Variants in NKAIN3 observed in about 807,000 individuals in gnomAD.
The protein encoded by NKAIN3 is sodium/potassium transporting ATPase interacting 3.
Under a neutral mutation model 30.2 loss-of-function variants are expected in NKAIN3, and 25 were observed. That is an observed-to-expected ratio of 0.83 (90% CI 0.60 to 1.16). The LOEUF (loss-of-function observed/expected upper bound fraction) is 1.16. Ranked by LOEUF, NKAIN3 falls within the 50% of genes most tolerant of loss-of-function variation. The pLI is 0.00. For synonymous variants in NKAIN3, 91 were observed against 89.6 expected, an observed-to-expected ratio of 1.02 and a Z score of -0.09; for missense variants, 225 against 254.1, an observed-to-expected ratio of 0.89 and a Z score of 0.78.
At chr8:62,778,607 T>C (rs977076811) in intron 4 of NKAIN3, among the ~76,000 whole-genome samples, 1 of 152,036 alleles carries the variant, frequency 6.6e-6, no homozygotes, top group Admixed American at 6.6e-5. Flanking sequence ...TTCAGGGAAG[T>C]GGGCTCTCCT....
chr8:62,869,399 C>A lies in NKAIN3; in HGVS notation c.472-49054C>A, dbSNP rs141578528. On this transcript the variant is annotated intron_variant, in intron 4 of 6. Transcript: ENST00000623646. Reference sequence around the variant, plus strand: ...GTCCATGTGTTCTCATTGTTCAACTCTCACTTATGAGTGAGAACATGCGGT... The same window carrying A: ...GTCCATGTGTTCTCATTGTTCAACTATCACTTATGAGTGAGAACATGCGGT... 6.9e-3 allele frequency among the ~76,000 whole-genome samples: 1,049 copies of A among 152,288 alleles called. 49 individuals carry two copies. The highest frequency in any genetic ancestry group is 0.065 in the Admixed American group (994 of 15,298).
At chr8:62,802,892 T>C (rs1818120909) in intron 4 of NKAIN3, among the ~76,000 whole-genome samples, 1 of 152,196 alleles carries the variant, frequency 6.6e-6, no homozygotes, top group Admixed American at 6.5e-5. Context: ...GAGACACACA[T>C]AGGCTCAAAA....
chr8:62,884,555 A>C (rs747647738), intron 4 of NKAIN3, among the ~76,000 whole-genome samples: 2 of 152,116 alleles, frequency 1.3e-5, no homozygotes, highest in African/African-American at 2.4e-5. Context: ...CTGCGTCAGC[A>C]CTAAAGAATT....
At chr8:62,571,853 T>C (rs1236411029) in intron 1 of NKAIN3, among the ~76,000 whole-genome samples, 1 of 152,052 alleles carries the variant, frequency 6.6e-6, no homozygotes, top group Non-Finnish European at 1.5e-5. Flanking sequence ...ACCAAATCCC[T>C]AGGCTGCACA....
intron 1 of NKAIN3, among the ~76,000 whole-genome samples, chr8:62,479,221 T>C (rs1190830965): frequency 1.3e-5 from 2 of 152,214 alleles, no homozygotes; most frequent in African/African-American, 2.4e-5. Flanking sequence ...ATAGATCAAT[T>C]GTGTTATTAT....
At chr8:62,270,341 C>T (rs1662465263) in intron 1 of NKAIN3, among the ~76,000 whole-genome samples, 1 of 152,102 alleles carries the variant, frequency 6.6e-6, no homozygotes, top group Non-Finnish European at 1.5e-5. Flanking sequence ...CTTGGCCTCT[C>T]AAAGTGCTGG....
intron 4 of NKAIN3, among the ~76,000 whole-genome samples, chr8:62,832,884 A>T (rs80203187): frequency 0.016 from 2,380 of 152,120 alleles, 73 homozygotes; most frequent in African/African-American, 0.054. Flanking sequence ...CAACCACAGA[A>T]TATACATTCT....
intron 1 of NKAIN3, among the ~76,000 whole-genome samples, chr8:62,570,539 T>C (rs919393342): frequency 2.6e-5 from 4 of 152,088 alleles, no homozygotes; most frequent in Admixed American, 6.6e-5. Flanking sequence ...AGAAGAGAGC[T>C]TGGGGAGGGA....
chr8:62,364,141 TTAA>T (rs1209853336), intron 1 of NKAIN3, among the ~76,000 whole-genome samples: 1 of 152,208 alleles, frequency 6.6e-6, no homozygotes, highest in Non-Finnish European at 1.5e-5. Context: ...GTTAGCCATA[TTAA>T]TGAGTGAATG....
intron 1 of NKAIN3, among the ~76,000 whole-genome samples, chr8:62,506,932 G>A (rs923613407): frequency 2.0e-5 from 3 of 152,018 alleles, no homozygotes; most frequent in Non-Finnish European, 2.9e-5. Context: ...ATTGATAATG[G>A]GTTAAAAGCA....
intron 5 of NKAIN3, among the ~76,000 whole-genome samples, chr8:62,998,467 G>T (rs887686747): frequency 1.3e-5 from 2 of 152,212 alleles, no homozygotes; most frequent in Admixed American, 1.3e-4. Context: ...TAGAGACGGG[G>T]TTTCACCATG....
At chr8:62,590,364 A>G (rs1810614904) in intron 3 of NKAIN3, among the ~76,000 whole-genome samples, 1 of 151,854 alleles carries the variant, frequency 6.6e-6, no homozygotes, top group African/African-American at 2.4e-5. Flanking sequence ...GCAATGATAC[A>G]CACGTTATTT....
intron 1 of NKAIN3, among the ~76,000 whole-genome samples, chr8:62,260,986 T>C (rs1342227477): frequency 1.3e-5 from 2 of 152,164 alleles, no homozygotes; most frequent in Admixed American, 6.5e-5. Context: ...AGTGACATCA[T>C]ATTGGTAGCT....
At chr8:62,901,912 C>A (rs1438292931) in intron 4 of NKAIN3, among the ~76,000 whole-genome samples, 1 of 152,232 alleles carries the variant, frequency 6.6e-6, no homozygotes, top group South Asian at 2.1e-4. Context: ...ACAGAAAGAG[C>A]TCCAGACATT....
intron 1 of NKAIN3, among the ~76,000 whole-genome samples, chr8:62,290,061 A>G (rs1435851404): frequency 6.6e-6 from 1 of 152,170 alleles, no homozygotes; most frequent in Non-Finnish European, 1.5e-5. Flanking sequence ...ATTGGTGTAT[A>G]GGAATGCTTG....
At chr8:62,473,287 A>T (rs1585846992) in intron 1 of NKAIN3, 1 of 152,110 alleles carries the variant, frequency 6.6e-6, no homozygotes, top group East Asian at 1.9e-4. Context: ...TTAAAAGTCT[A>T]TTGCTTGAGA....
chr8:62,606,072 C>G (rs1811116651), intron 3 of NKAIN3, among the ~76,000 whole-genome samples: 1 of 152,192 alleles, frequency 6.6e-6, no homozygotes, highest in African/African-American at 2.4e-5. Context: ...TTCGTTGCCA[C>G]TCTTAAAAAT....
At chr8:62,609,825 T>C (rs953804021) in intron 3 of NKAIN3, among the ~76,000 whole-genome samples, 1 of 152,054 alleles carries the variant, frequency 6.6e-6, no homozygotes, top group Admixed American at 6.6e-5. Flanking sequence ...TGCCGAGTCA[T>C]GTTGCTAGCA....
chr8:62,308,961 A>T (rs762172089), intron 1 of NKAIN3, among the ~76,000 whole-genome samples: 16 of 150,434 alleles, frequency 1.1e-4, no homozygotes, highest in Non-Finnish European at 2.9e-5. Context: ...TTACTCAACC[A>T]TGTGTTGATA....
Sources: allele counts gnomAD v4.1 joint callset (sites outside exome capture counted in the v4.1 genomes callset), GRCh38; gene constraint gnomAD v4.1.1; transcripts MANE v1.5; gene names NCBI Gene and HGNC (gene_info 2026-07-23, HGNC 2026-07-21).